SKIC3: variants seen among roughly 807,000 people sequenced by gnomAD.
The protein encoded by SKIC3 is SKI3 subunit of superkiller complex.
the SKIC3 span, chr5:95,517,282 G>A: frequency 1.9e-6 from 3 of 1,613,246 alleles, no homozygotes; most frequent in Non-Finnish European, 2.5e-6. Flanking sequence ...TCCCCAGCTA[G>A]CTTCCAGAGG....
chr5:95,512,196 G>C, the SKIC3 span, among the ~76,000 whole-genome samples: 1 of 152,158 alleles, frequency 6.6e-6, no homozygotes, highest in Non-Finnish European at 1.5e-5. Flanking sequence ...AACTGTTCTA[G>C]TGTATAGTGT....
the SKIC3 span, chr5:95,543,407 A>T: frequency 6.7e-7 from 1 of 1,500,938 alleles, no homozygotes; most frequent in Admixed American, 1.7e-5. Flanking sequence ...GTCTAGCATG[A>T]GTCAGGAAAT....
chr5:95,487,120 C>T, the SKIC3 span, among the ~76,000 whole-genome samples: 3 of 152,102 alleles, frequency 2.0e-5, no homozygotes. Flanking sequence ...CACGAAAAAG[C>T]AAGACCGGCC....
chr5:95,482,412 C>T, the SKIC3 span: 1 of 1,529,494 alleles, frequency 6.5e-7, no homozygotes, highest in Non-Finnish European at 9.0e-7. Flanking sequence ...ATAGCCCTGA[C>T]ATTAACTAAT....
the SKIC3 span, chr5:95,541,811 T>C: frequency 6.3e-6 from 10 of 1,599,080 alleles, no homozygotes; most frequent in Non-Finnish European, 8.6e-6. Flanking sequence ...CATACATTTC[T>C]TACCTCTCAT....
the SKIC3 span, among the ~76,000 whole-genome samples, chr5:95,534,859 T>C: frequency 6.6e-6 from 1 of 152,210 alleles, no homozygotes; most frequent in Admixed American, 6.5e-5. Context: ...CTACGCTTAG[T>C]ATTGATCTCT....
the SKIC3 span, among the ~76,000 whole-genome samples, chr5:95,480,619 A>AT: frequency 6.6e-6 from 1 of 152,196 alleles, no homozygotes; most frequent in Non-Finnish European, 1.5e-5. Context: ...ACCATTTTAG[A>AT]TAACTCTTTG....
chr5:95,512,249 A>G, the SKIC3 span, among the ~76,000 whole-genome samples: 1 of 152,186 alleles, frequency 6.6e-6, no homozygotes, highest in Admixed American at 6.5e-5. Context: ...CTACACTATA[A>G]CAAGGAAATT....
At chr5:95,489,018 C>T in the SKIC3 span, among the ~76,000 whole-genome samples, 1 of 152,106 alleles carries the variant, frequency 6.6e-6, no homozygotes, top group Admixed American at 6.6e-5. Flanking sequence ...CTAGTCTCAC[C>T]TATCACAACA....
chr5:95,509,778 G>C, the SKIC3 span: 3 of 827,462 alleles, frequency 3.6e-6, no homozygotes, highest in Non-Finnish European at 6.1e-6. Flanking sequence ...TTAAATATCA[G>C]ATTACCTCTT....
the SKIC3 span, chr5:95,484,814 G>T: frequency 1.9e-6 from 3 of 1,614,038 alleles, no homozygotes; most frequent in Non-Finnish European, 2.5e-6. Context: ...CAAGGGACTG[G>T]TTGTAATTTT....
the SKIC3 span, chr5:95,464,569 G>T: frequency 6.7e-7 from 1 of 1,503,198 alleles, no homozygotes; most frequent in South Asian, 1.2e-5. Context: ...CATTCTTACA[G>T]CTTTTTCTTT....
chr5:95,533,206 A>G, the SKIC3 span, among the ~76,000 whole-genome samples: 2 of 152,192 alleles, frequency 1.3e-5, no homozygotes, highest in Non-Finnish European at 2.9e-5. Context: ...TACTTGTTAC[A>G]TGAAGCTTTA....
chr5:95,477,302 G>C, the SKIC3 span, among the ~76,000 whole-genome samples: 1 of 152,084 alleles, frequency 6.6e-6, no homozygotes, highest in Non-Finnish European at 1.5e-5. Flanking sequence ...AACAGAAATA[G>C]TCCCTGACAT....
the SKIC3 span, among the ~76,000 whole-genome samples, chr5:95,533,387 A>T: frequency 6.6e-6 from 1 of 152,312 alleles, no homozygotes; most frequent in Admixed American, 6.5e-5. Context: ...CAGACTTCAG[A>T]GACCTTACAG....
chr5:95,529,141 G>A, the SKIC3 span: 10 of 1,570,718 alleles, frequency 6.4e-6, no homozygotes, highest in African/African-American at 1.4e-4. Flanking sequence ...CAAGGTTTCT[G>A]TGACTACATA....
At chr5:95,479,651 T>A in the SKIC3 span, among the ~76,000 whole-genome samples, 1 of 151,234 alleles carries the variant, frequency 6.6e-6, no homozygotes, top group African/African-American at 2.4e-5. Context: ...ATCATAGGTA[T>A]GCATGTATGT....
chr5:95,468,382 A>G, the SKIC3 span, among the ~76,000 whole-genome samples: 3 of 152,210 alleles, frequency 2.0e-5, no homozygotes, highest in East Asian at 5.8e-4. Context: ...AAACTAAATA[A>G]GTCACTAAAT....
chr5:95,536,795 A>G, the SKIC3 span: 1 of 1,575,824 alleles, frequency 6.3e-7, no homozygotes, highest in Non-Finnish European at 8.7e-7. Flanking sequence ...TAGGACACAC[A>G]CTATAATAAG....
Sources: allele counts gnomAD v4.1 joint callset (sites outside exome capture counted in the v4.1 genomes callset), GRCh38; gene constraint gnomAD v4.1.1; transcripts MANE v1.5; gene names NCBI Gene and HGNC (gene_info 2026-07-23, HGNC 2026-07-21).